The following ZNF540 variants were observed in gnomAD, a reference collection of about 807,000 sequenced individuals.
ZNF540 encodes CTD-3064H18.6.
Under a neutral mutation model 11.8 loss-of-function variants are expected in ZNF540, and 3 were observed. The observed-to-expected ratio is 0.25, with a 90% CI of 0.12 to 0.65. The LOEUF (loss-of-function observed/expected upper bound fraction) is 0.65, where lower values mean the gene tolerates loss of function less well. ZNF540 is among the 30% of genes least tolerant of loss of function. The pLI is 0.83. For missense variants in ZNF540, 709 were observed against 793.1 expected (o/e 0.89, Z 1.27); for synonymous variants, 247 against 259.0 (o/e 0.95, Z 0.45).
intron 1 of ZNF540, chr19:37,556,089 C>T (rs1474759254): frequency 1.4e-6 from 1 of 702,720 alleles, no homozygotes; most frequent in Non-Finnish European, 2.6e-6. Flanking sequence ...GTGTCCAAAT[C>T]CTGCTGCAAG....
chr19:37,567,844 C>A (rs747584940), intron 1 of ZNF540: 2 of 152,202 alleles, frequency 1.3e-5, no homozygotes, highest in African/African-American at 4.8e-5. Context: ...TTCTGCTCCT[C>A]AAGCTCTACA....
intron 1 of ZNF540, chr19:37,566,456 A>C (rs2042864151): frequency 1.3e-6 from 1 of 742,272 alleles, no homozygotes; most frequent in Admixed American, 3.4e-5. Context: ...GGAGAGAATA[A>C]AGAAAAAGGA....
intron 1 of ZNF540, chr19:37,585,340 T>C (rs951695330): frequency 1.3e-5 from 2 of 152,186 alleles, no homozygotes; most frequent in African/African-American, 4.8e-5. Flanking sequence ...ACTTTGTAGA[T>C]TATTCAGTAA....
At chr19:37,568,000 A>G (rs998540576) in intron 1 of ZNF540, among the ~76,000 whole-genome samples, 11 of 152,200 alleles carry the variant, frequency 7.2e-5, no homozygotes, top group Admixed American at 7.2e-4. Context: ...TATTTCCCAA[A>G]GAAGTACCTC....
upstream of ZNF540, among the ~76,000 whole-genome samples, chr19:37,590,788 G>A (rs1474616259): frequency 3.3e-5 from 5 of 152,104 alleles, no homozygotes; most frequent in Non-Finnish European, 7.4e-5. Context: ...AATGCTATGT[G>A]AGTACTGATT....
At chr19:37,589,754 T>G (rs1341178397) in intron 1 of ZNF540, among the ~76,000 whole-genome samples, 1 of 147,812 alleles carries the variant, frequency 6.8e-6, no homozygotes, top group Non-Finnish European at 1.5e-5. Flanking sequence ...TAATCCCAGC[T>G]ACTTGGGAGG....
rs763945967 is a variant in ZNF540, at chr19:37,611,552, A to G, written c.272A>G (p.Glu91Gly). ...SRHKTKKLSS[E>G]KDIHEISLSK... ...CATAAGACCAAGAAATTATCTTCAG[A>G]AAAGGACATTCATGAAATCAGTTTA... The change falls in exon 5 of 5, where the codon GAA (glutamate) becomes GGA (glycine). Residue 91 changes from glutamate (E) to glycine (G), a missense_variant. Coordinates refer to ENST00000316433, the MANE Select transcript of ZNF540 (RefSeq NM_001172225.3). The G allele has an allele frequency of 6.2e-7, 1 of 1,606,130 alleles. No individual in the cohort carries two copies. Among genetic ancestry groups the G allele is most frequent in the South Asian group, 1.1e-5 (1 of 88,820 alleles).
At chr19:37,608,168 A>G (rs571344878) in intron 4 of ZNF540, among the ~76,000 whole-genome samples, 6 of 152,066 alleles carry the variant, frequency 3.9e-5, no homozygotes, top group African/African-American at 1.4e-4. Context: ...TATTTTCATC[A>G]TGTGTATTTA....
At chr19:37,601,711 T>C (rs1333658552) in intron 4 of ZNF540, among the ~76,000 whole-genome samples, 1 of 152,180 alleles carries the variant, frequency 6.6e-6, no homozygotes, top group Non-Finnish European at 1.5e-5. Context: ...AGAGAGAATA[T>C]ATGTGCAGAG....
At chr19:37,565,215 T>G in intron 1 of ZNF540, 1 of 1,613,326 alleles carries the variant, frequency 6.2e-7, no homozygotes, top group South Asian at 1.1e-5. Flanking sequence ...TGAATAAGAT[T>G]AGAATTAGAA....
At chr19:37,556,330 G>A (rs936605776) in intron 1 of ZNF540, among the ~76,000 whole-genome samples, 40 of 152,302 alleles carry the variant, frequency 2.6e-4, no homozygotes, top group African/African-American at 9.4e-4. Context: ...TAGATAAAAA[G>A]AATTAATCTA....
At chr19:37,565,196 C>G in intron 1 of ZNF540, 2 of 1,613,514 alleles carry the variant, frequency 1.2e-6, no homozygotes, top group Non-Finnish European at 1.7e-6. Flanking sequence ...GGTATGAATT[C>G]TTTGATGTTG....
intron 1 of ZNF540, chr19:37,564,939 T>C (rs1202921511): frequency 6.2e-7 from 1 of 1,613,980 alleles, no homozygotes; most frequent in South Asian, 1.1e-5. Flanking sequence ...TTTTCACCTG[T>C]ATGAATTCTT....
intron 4 of ZNF540, among the ~76,000 whole-genome samples, chr19:37,604,943 TC>T (rs1409550636): frequency 7.2e-5 from 11 of 152,242 alleles, no homozygotes; most frequent in African/African-American, 9.6e-5. Flanking sequence ...ATGCGATTCA[TC>T]CAAGTAGTTA....
chr19:37,593,927 G>A (rs1390998355), upstream of ZNF540, among the ~76,000 whole-genome samples: 3 of 152,084 alleles, frequency 2.0e-5, no homozygotes, highest in South Asian at 4.2e-4. Flanking sequence ...AGAAATTTGA[G>A]GTTAGAAAGA....
chr19:37,592,393 T>C (rs976287194), upstream of ZNF540, among the ~76,000 whole-genome samples: 2 of 152,208 alleles, frequency 1.3e-5, no homozygotes, highest in South Asian at 4.1e-4. Context: ...GCCACCACTC[T>C]CATGAAATTT....
upstream of ZNF540, among the ~76,000 whole-genome samples, chr19:37,590,553 C>T (rs951832133): frequency 2.0e-5 from 3 of 151,868 alleles, no homozygotes; most frequent in Non-Finnish European, 4.4e-5. Context: ...AGTTATAGTC[C>T]CCTGTGCTCA....
intron 2 of ZNF540, 145 bp downstream of exon 2, chr19:37,598,601 C>A: frequency 1.2e-6 from 1 of 807,082 alleles, no homozygotes; most frequent in Non-Finnish European, 2.1e-6. Flanking sequence ...CCTCTCTTTT[C>A]TAACCAGTAT....
rs372295772 is a variant in ZNF540, at chr19:37,611,897, A to G, written c.617A>G (p.Gln206Arg). The change falls in exon 5 of 5, where the codon CAG becomes CGG. Residue 206 changes from glutamine to arginine, a missense_variant. Transcript: ENST00000316433. ...AATGTCTATCAGCTTACTCTCCATCAGAAAATTCATACTGGTGAAAAATCC... is the reference window on the plus strand; with the variant it reads ...AATGTCTATCAGCTTACTCTCCATCGGAAAATTCATACTGGTGAAAAATCC... ...FNNVYQLTLH[Q>R]KIHTGEKSCK... The G allele has an allele frequency of 4.3e-6, 7 of 1,613,852 alleles. No homozygotes were observed. The highest frequency in any genetic ancestry group is 5.9e-6 in the Non-Finnish European group (7 of 1,179,954).
Sources: gnomAD v4.1 joint callset for allele counts (sites outside exome capture counted in the v4.1 genomes callset) on GRCh38, gnomAD v4.1.1 for gene constraint, MANE v1.5 for transcripts, NCBI Gene and HGNC (gene_info 2026-07-23, HGNC 2026-07-21) for gene names.